Variants in BMP5 observed in about 807,000 individuals in gnomAD.
BMP5 encodes bone morphogenetic protein 5.
BMP5 carries 23 observed loss-of-function variants against 46.6 expected under a neutral mutation model. The observed-to-expected ratio is 0.49, with a 90% CI of 0.35 to 0.70. The LOEUF (loss-of-function observed/expected upper bound fraction) is 0.70, where lower values mean the gene tolerates loss of function less well. BMP5 is among the 30% of genes least tolerant of loss of function. BMP5 has a pLI of 0.00. For missense variants in BMP5, 545 were observed against 565.6 expected (o/e 0.96, Z 0.37); for synonymous variants, 204 against 191.9 (o/e 1.06, Z -0.52).
At chr6:55,780,726 C>T (rs1414098203) in intron 3 of BMP5, among the ~76,000 whole-genome samples, 1 of 151,904 alleles carries the variant, frequency 6.6e-6, no homozygotes, top group African/African-American at 2.4e-5. Context: ...GGCAGGATAA[C>T]TAAAGTCATG....
intron 2 of BMP5, among the ~76,000 whole-genome samples, chr6:55,803,780 C>A (rs1371214121): frequency 6.6e-6 from 1 of 152,198 alleles, no homozygotes; most frequent in Non-Finnish European, 1.5e-5. Context: ...ATCTCCCCTG[C>A]AGGCCACGCA....
At chr6:55,869,407 G>C (rs1291514914) in intron 1 of BMP5, among the ~76,000 whole-genome samples, 1 of 151,108 alleles carries the variant, frequency 6.6e-6, no homozygotes, top group Non-Finnish European at 1.5e-5. Flanking sequence ...TTCTTTCTCT[G>C]TCTCATCCTT....
chr6:55,805,378 G>T (rs1267241627), intron 2 of BMP5, among the ~76,000 whole-genome samples: 1 of 152,058 alleles, frequency 6.6e-6, no homozygotes, highest in Non-Finnish European at 1.5e-5. Context: ...TTAGCTATTT[G>T]TTCTCATGCT....
intron 1 of BMP5, among the ~76,000 whole-genome samples, chr6:55,828,662 GA>G (rs1776586275): frequency 6.6e-6 from 1 of 150,812 alleles, no homozygotes; most frequent in South Asian, 2.1e-4. Context: ...ATTTTATTTA[GA>G]AAAAAATAAT....
intron 2 of BMP5, among the ~76,000 whole-genome samples, chr6:55,796,204 T>C (rs1775708805): frequency 6.6e-6 from 1 of 152,180 alleles, no homozygotes; most frequent in South Asian, 2.1e-4. Flanking sequence ...AAAAATGTCC[T>C]AATCAATTCT....
At chr6:55,772,004 A>G (rs952376983) in intron 4 of BMP5, among the ~76,000 whole-genome samples, 2 of 151,882 alleles carry the variant, frequency 1.3e-5, no homozygotes, top group Non-Finnish European at 2.9e-5. Flanking sequence ...GGATTTTCCC[A>G]GACTGCTTGA....
intron 2 of BMP5, among the ~76,000 whole-genome samples, chr6:55,804,283 A>C (rs1775932779): frequency 6.6e-6 from 1 of 152,212 alleles, no homozygotes. Context: ...AGAGACACAC[A>C]GAAGGAAGAG....
At chr6:55,799,258 G>T (rs1285899890) in intron 2 of BMP5, among the ~76,000 whole-genome samples, 1 of 152,150 alleles carries the variant, frequency 6.6e-6, no homozygotes, top group African/African-American at 2.4e-5. Flanking sequence ...TATAGGGTCT[G>T]CCATAATACA....
chr6:55,860,535 C>G (rs547231476), intron 1 of BMP5, among the ~76,000 whole-genome samples: 1 of 152,218 alleles, frequency 6.6e-6, no homozygotes, highest in African/African-American at 2.4e-5. Flanking sequence ...CTTCACACTT[C>G]TAGCATTACA....
intron 4 of BMP5, among the ~76,000 whole-genome samples, chr6:55,770,366 G>C (rs1426336117): frequency 6.6e-6 from 1 of 151,844 alleles, no homozygotes; most frequent in African/African-American, 2.4e-5. Flanking sequence ...ACCAATATCT[G>C]CTACTTTCAG....
intron 2 of BMP5, among the ~76,000 whole-genome samples, chr6:55,817,333 A>G (rs113170599): frequency 0.057 from 8,653 of 152,300 alleles, 334 homozygotes; most frequent in Middle Eastern, 0.14. Flanking sequence ...CACAATAGCA[A>G]AGACTTGGAG....
At chr6:55,783,146 C>T (rs1033465455) in intron 3 of BMP5, among the ~76,000 whole-genome samples, 1 of 152,080 alleles carries the variant, frequency 6.6e-6, no homozygotes, top group African/African-American at 2.4e-5. Context: ...AAGATGAAGA[C>T]TCAATACTTC....
chr6:55,786,614 C>A (rs1030645361), intron 3 of BMP5, among the ~76,000 whole-genome samples: 7 of 151,562 alleles, frequency 4.6e-5, no homozygotes, highest in African/African-American at 1.5e-4. Context: ...CTTCTGCTGT[C>A]TTCCTAATTT....
At position 55,830,722 on chromosome 6, in the gene BMP5, C is replaced by T. The variant is rs1776644317; in HGVS notation, c.491-10875G>A. ...TCTAACTAACTCATATATACTGTTA[C>T]ATAAAACCTAAATTTACAATAGAAA... On this transcript the variant is annotated intron_variant, in intron 1 of 6. Coordinates refer to ENST00000370830, the MANE Select transcript of BMP5 (RefSeq NM_021073.4). Among the ~76,000 whole-genome samples, 4 of 151,976 alleles carry T rather than the reference C, an allele frequency of 2.6e-5. No homozygotes were observed. In the South Asian group the frequency reaches 8.3e-4, roughly 32 times the overall value.
At chr6:55,840,543 G>C (rs921076906) in intron 1 of BMP5, among the ~76,000 whole-genome samples, 1 of 152,010 alleles carries the variant, frequency 6.6e-6, no homozygotes, top group Admixed American at 6.6e-5. Context: ...CTGGTACTCT[G>C]ACATTTTTCT....
Position 55,874,708 on chromosome 6 carries a change from C to G in BMP5, c.158G>C (p.Arg53Thr), listed in dbSNP as rs1777866242. The change falls in exon 1 of 7, where the codon AGG becomes ACG. Residue 53 changes from arginine to threonine, a missense_variant. Arg to Thr is a moderately conservative substitution (Grantham distance 71). Coordinates refer to ENST00000370830, the MANE Select transcript of BMP5 (RefSeq NM_021073.4). ...LRNHERREIQREILSILGLPH... is the reference protein window; with the variant it reads ...LRNHERREIQTEILSILGLPH... ...CAAACCCAAGATAGAGAGAATTTCC[C>G]TTTGTATTTCCCGTCTTTCGTGGTT... The G allele has an allele frequency of 6.2e-7, 1 of 1,613,406 alleles. No homozygotes were observed. Among genetic ancestry groups the G allele is most frequent in the Admixed American group, 1.7e-5 (1 of 59,902 alleles).
chr6:55,770,057 TA>T (rs1419446979), intron 4 of BMP5, among the ~76,000 whole-genome samples: 1 of 151,854 alleles, frequency 6.6e-6, no homozygotes, highest in African/African-American at 2.4e-5. Flanking sequence ...TTCAGAATGG[TA>T]AATGAGCATT....
intron 1 of BMP5, among the ~76,000 whole-genome samples, chr6:55,859,092 C>T (rs1003198222): frequency 2.6e-5 from 4 of 151,922 alleles, no homozygotes; most frequent in African/African-American, 9.7e-5. Flanking sequence ...CAAACCTGCA[C>T]GTTCTGCACA....
intron 3 of BMP5, among the ~76,000 whole-genome samples, chr6:55,793,394 T>C (rs1431054469): frequency 1.3e-5 from 2 of 152,218 alleles, no homozygotes; most frequent in African/African-American, 4.8e-5. Context: ...CATTCACTAA[T>C]ACTATTGTGT....
Sources: allele counts gnomAD v4.1 joint callset (sites outside exome capture counted in the v4.1 genomes callset), GRCh38; gene constraint gnomAD v4.1.1; transcripts MANE v1.5; gene names NCBI Gene and HGNC (gene_info 2026-07-23, HGNC 2026-07-21).